ZFC3H1: variants seen among roughly 807,000 people sequenced by gnomAD.
The protein encoded by ZFC3H1 is zinc finger C3H1 domain-containing protein.
In ZFC3H1, 71 loss-of-function variants were observed where a neutral mutation model predicts 243.7. The observed-to-expected ratio is 0.29, with a 90% CI of 0.24 to 0.36. The LOEUF (loss-of-function observed/expected upper bound fraction) is 0.36, where lower values mean the gene tolerates loss of function less well. ZFC3H1 is among the 10% of genes least tolerant of loss of function. The pLI, the probability that ZFC3H1 is intolerant of heterozygous loss-of-function variation, is 1.00. For missense variants in ZFC3H1, 1,966 were observed against 2,317.1 expected (o/e 0.85, Z 3.11); for synonymous variants, 838 against 813.0 (o/e 1.03, Z -0.52).
rs557635614 is a variant in ZFC3H1, at chr12:71,640,273, C to T, written c.1628-1758G>A. Among the ~76,000 whole-genome samples the T allele has an allele frequency of 7.2e-5, 11 of 152,316 alleles. No individual in the cohort carries two copies. In the East Asian group the frequency reaches 7.7e-4, roughly 11 times the overall value. Reference sequence around the variant, plus strand: ...CTGACCTCAGGTGATCCTCCCGCCTCGGCCTCCCAAAAGTTCTGGGATTAC... The same window carrying T: ...CTGACCTCAGGTGATCCTCCCGCCTTGGCCTCCCAAAAGTTCTGGGATTAC... On this transcript the variant is annotated intron_variant, in intron 6 of 34. Coordinates refer to ENST00000378743, the MANE Select transcript of ZFC3H1 (RefSeq NM_144982.5).
intron 14 of ZFC3H1, 78 bp from the exon 15 acceptor site, chr12:71,632,592 C>A: frequency 6.9e-7 from 1 of 1,447,510 alleles, no homozygotes. Context: ...ATTGTGCTAT[C>A]CCCACCATAC....
At chr12:71,655,687 C>T (rs1880998739) in intron 2 of ZFC3H1, among the ~76,000 whole-genome samples, 1 of 152,100 alleles carries the variant, frequency 6.6e-6, no homozygotes, top group Non-Finnish European at 1.5e-5. Context: ...CAGGCCCAGA[C>T]ACTTTTATCA....
At chr12:71,635,857 C>G (rs1880445529) in intron 9 of ZFC3H1, among the ~76,000 whole-genome samples, 1 of 152,134 alleles carries the variant, frequency 6.6e-6, no homozygotes, top group South Asian at 2.1e-4. Context: ...TTTAAATTAA[C>G]TCTTTTAAAA....
intron 2 of ZFC3H1, among the ~76,000 whole-genome samples, chr12:71,650,131 T>C (rs1238959958): frequency 6.6e-6 from 1 of 151,988 alleles, no homozygotes; most frequent in Non-Finnish European, 1.5e-5. Context: ...GAGCCTGCCG[T>C]GAGCCGAGAT....
rs1475123671 is a variant in ZFC3H1, at chr12:71,634,235, A to C, written c.2430T>G (p.Asp810Glu). The change falls in exon 12 of 35, where the codon GAT (aspartate) becomes GAG (glutamate). Residue 810 changes from aspartate (D) to glutamate (E), a missense_variant. Physicochemically the swap from Asp to Glu is conservative, Grantham distance 45. Around this residue, in one of 4 missense-constraint regions of ZFC3H1, gnomAD observed 1,383 missense variants for 1,723.7 expected, o/e 0.80. Transcript: ENST00000378743. ...TCCTGCCAATACCATCAATTTCCAC[A>C]TCAGAGTTTGCTGGGGATGATGAAC... ...KTSSSSPANS[D>E]VEIDGIGRIA... The C allele has an allele frequency of 1.2e-6, 2 of 1,613,972 alleles. No individual in the cohort carries two copies. The highest frequency in any genetic ancestry group is 1.7e-6 in the Non-Finnish European group (2 of 1,179,986).
intron 2 of ZFC3H1, among the ~76,000 whole-genome samples, chr12:71,656,061 T>A (rs1881009809): frequency 6.6e-6 from 1 of 152,124 alleles, no homozygotes; most frequent in African/African-American, 2.4e-5. Flanking sequence ...TCCATTAGTG[T>A]GACATTCTGG....
At chr12:71,642,688 A>G (rs751091667) in intron 5 of ZFC3H1, 129 bp from the exon 6 acceptor site, 2 of 1,058,118 alleles carry the variant, frequency 1.9e-6, no homozygotes, top group East Asian at 5.0e-5. Context: ...TGTGCCTATC[A>G]CATCTTTGGG....
chr12:71,643,186 G>A (rs528867606), intron 5 of ZFC3H1, among the ~76,000 whole-genome samples: 15 of 151,926 alleles, frequency 9.9e-5, no homozygotes, highest in African/African-American at 3.4e-4. Flanking sequence ...GCCTGGCGCG[G>A]TGGCTCATGC....
chr12:71,650,570 G>GA (rs2137555706), intron 2 of ZFC3H1, among the ~76,000 whole-genome samples: 1 of 152,206 alleles, frequency 6.6e-6, no homozygotes, highest in East Asian at 1.9e-4. Context: ...AATATCCCTA[G>GA]AAAATGGGAC....
chr12:71,626,567 G>T, intron 21 of ZFC3H1, 121 bp from the exon 22 acceptor site: 1 of 904,144 alleles, frequency 1.1e-6, no homozygotes, highest in Non-Finnish European at 1.6e-6. Flanking sequence ...CAAGAAGTCA[G>T]GATCACTTAT....
In ZFC3H1 at chr12:71,634,237, C is replaced by T; in HGVS notation, c.2428G>A (p.Asp810Asn). The T allele has an allele frequency of 1.2e-6, 2 of 1,614,064 alleles. No individual in the cohort carries two copies. The highest frequency in any genetic ancestry group is 1.7e-6 in the Non-Finnish European group (2 of 1,179,984). ...CTGCCAATACCATCAATTTCCACATCAGAGTTTGCTGGGGATGATGAACTT... is the reference window on the plus strand; with the variant it reads ...CTGCCAATACCATCAATTTCCACATTAGAGTTTGCTGGGGATGATGAACTT... ...KTSSSSPANSDVEIDGIGRIA... is the reference protein window; with the variant it reads ...KTSSSSPANSNVEIDGIGRIA... The change falls in exon 12 of 35, where the codon GAT becomes AAT. Residue 810 changes from aspartate (D) to asparagine (N), a missense_variant. By Grantham distance (23) the Asp-to-Asn change is conservative. Transcript: ENST00000378743.
rs760411101 is a variant in ZFC3H1, at chr12:71,647,739, A to G, written c.1080+10T>C. 2 of 1,462,200 alleles carry G rather than the reference A, an allele frequency of 1.4e-6. No individual in the cohort carries two copies. Among genetic ancestry groups the G allele is most frequent in the East Asian group, 4.8e-5 (2 of 41,280 alleles). The allele number at this position is 1,462,200 out of a possible 1,614,324, so 90.6% of individuals were successfully genotyped here. On this transcript the variant is annotated intron_variant, in intron 3 of 34. Transcript: ENST00000378743. ...TACAGAGATGATAGTCTCACAAAGC[A>G]GTATCTTACCTTTTCAGACAGAATA...
chr12:71,633,511 A>G (rs1371393101), intron 12 of ZFC3H1, 73 bp from the exon 13 acceptor site: 1 of 1,280,350 alleles, frequency 7.8e-7, no homozygotes, highest in African/African-American at 1.5e-5. Context: ...AAAAATTTTC[A>G]AAGTAATAAC....
intron 27 of ZFC3H1, among the ~76,000 whole-genome samples, chr12:71,617,170 A>G (rs1325227315): frequency 1.3e-5 from 2 of 152,218 alleles, no homozygotes; most frequent in African/African-American, 4.8e-5. Flanking sequence ...ACCAATTAAG[A>G]GCAGATTTCT....
In ZFC3H1 at chr12:71,642,661, A is replaced by C. The variant is rs755571270; in HGVS notation, c.1504-102T>G. Reference sequence around the variant, plus strand: ...CTTCTATGGAAGAGTATCAAAAATCATGGTGATTCAGTTAGATGTGCCTAT... The same window carrying C: ...CTTCTATGGAAGAGTATCAAAAATCCTGGTGATTCAGTTAGATGTGCCTAT... On this transcript the variant is annotated intron_variant, in intron 5 of 34. Transcript: ENST00000378743. The C allele has an allele frequency of 6.8e-5, 93 of 1,369,256 alleles. 1 individual carries two copies. Among genetic ancestry groups the C allele is most frequent in the Non-Finnish European group, 9.0e-5 (92 of 1,018,402 alleles). 84.8% of individuals were successfully genotyped at this position (1,369,256 alleles called of 1,614,324 possible). A position where few individuals can be genotyped will look rare whatever the true frequency, so the allele number is the denominator to read the frequency against.
At chr12:71,633,635 A>C (rs1053777113) in intron 12 of ZFC3H1, among the ~76,000 whole-genome samples, 197 bp from the exon 13 acceptor site, 1 of 152,166 alleles carries the variant, frequency 6.6e-6, no homozygotes, top group South Asian at 2.1e-4. Context: ...AATAGTAACT[A>C]TGAGACTGAT....
intron 5 of ZFC3H1, among the ~76,000 whole-genome samples, chr12:71,643,361 C>T (rs932152901): frequency 5.3e-5 from 8 of 150,668 alleles, no homozygotes; most frequent in African/African-American, 1.5e-4. Flanking sequence ...TGCAGTGAGC[C>T]GAAACATGCC....
At chr12:71,641,147 ATTT>A (rs753271892) in intron 6 of ZFC3H1, among the ~76,000 whole-genome samples, 4 of 152,198 alleles carry the variant, frequency 2.6e-5, no homozygotes, top group Non-Finnish European at 5.9e-5. Context: ...TCATAAAGTT[ATTT>A]TATAGAAATA....
At chr12:71,640,655 C>G (rs935305149) in intron 6 of ZFC3H1, among the ~76,000 whole-genome samples, 4 of 152,236 alleles carry the variant, frequency 2.6e-5, no homozygotes, top group Non-Finnish European at 4.4e-5. Flanking sequence ...TGCCCACTGC[C>G]TCTGGCCTCT....
Sources: allele counts gnomAD v4.1 joint callset (sites outside exome capture counted in the v4.1 genomes callset), GRCh38; gene constraint gnomAD v4.1.1; regional missense constraint gnomAD v4.1.1; transcripts MANE v1.5; gene names NCBI Gene and HGNC (gene_info 2026-07-23, HGNC 2026-07-21).